Variants in GLP2R observed in about 807,000 individuals in gnomAD.
GLP2R encodes the protein glucagon like peptide 2 receptor.
GLP2R carries 59 observed loss-of-function variants against 68.2 expected under a neutral mutation model. The ratio of observed to expected loss-of-function variants is 0.87; its 90% CI spans 0.70 to 1.07. GLP2R has a LOEUF of 1.07. Among genes scored for constraint, GLP2R ranks in the 50% least tolerant of loss-of-function variants. The pLI is 0.00. For missense variants in GLP2R, 548 were observed against 677.4 expected, an observed-to-expected ratio of 0.81 and a Z score of 2.12; for synonymous variants, 270 against 265.4, an observed-to-expected ratio of 1.02 and a Z score of -0.17.
At chr17:9,879,340 T>TAAAATAAAATAAAATAAAATAAA (rs1567737400) in intron 10 of GLP2R, among the ~76,000 whole-genome samples, 18 of 111,192 alleles carry the variant, frequency 1.6e-4, no homozygotes, top group East Asian at 1.5e-3. Flanking sequence ...TAAAATAAAA[T>TAAAATAAAATAAAATAAAATAAA]AAAATAATTA....
chr17:9,831,467 C>A (rs770982657), intron 1 of GLP2R, among the ~76,000 whole-genome samples: 12 of 152,028 alleles, frequency 7.9e-5, no homozygotes, highest in Non-Finnish European at 1.6e-4. Context: ...CCATAGGGAT[C>A]GGTCATGCAG....
At chr17:9,862,686 G>A (rs1325750503) in intron 9 of GLP2R, among the ~76,000 whole-genome samples, 5 of 152,140 alleles carry the variant, frequency 3.3e-5, no homozygotes, top group Non-Finnish European at 2.9e-5. Flanking sequence ...AACTGTCAAA[G>A]AAGCTAGCAG....
chr17:9,828,570 G>A (rs2066653283), intron 1 of GLP2R, among the ~76,000 whole-genome samples: 1 of 152,196 alleles, frequency 6.6e-6, no homozygotes, highest in African/African-American at 2.4e-5. Flanking sequence ...TCTGAGAAGA[G>A]TGTTATTACT....
Position 9,862,052 on chromosome 17 carries a change from T to G in GLP2R, c.1018T>G (p.Trp340Gly). The change falls in exon 9 of 13, where the codon TGG becomes GGG. Residue 340 changes from tryptophan (W) to glycine (G), a missense_variant. By Grantham distance (184) the Trp-to-Gly change is radical. Transcript: ENST00000262441. ...CWTTNGNKKI[W>G]WIIRGPMMLC... ...GACAACAAATGGGAATAAGAAAATC[T>G]GGTGGATCATCCGAGGACCCATGAT... 6.2e-7 allele frequency: 1 copy of G among 1,613,850 alleles called. No homozygotes were observed. The highest frequency in any genetic ancestry group is 8.5e-7 in the Non-Finnish European group (1 of 1,179,710).
intron 2 of GLP2R, among the ~76,000 whole-genome samples, 179 bp downstream of exon 2, chr17:9,834,073 T>A (rs1218871486): frequency 2.6e-5 from 4 of 152,144 alleles, no homozygotes; most frequent in Non-Finnish European, 5.9e-5. Flanking sequence ...GCTGGAAGAC[T>A]CCCATGGCCT....
Position 9,826,019 on chromosome 17 carries a change from A to G in GLP2R, c.-45A>G, listed in dbSNP as rs1191928698. On this transcript the variant is annotated 5_prime_UTR_variant, in exon 1 of 13. Transcript: ENST00000262441. ...GGAGGCTGCCTGCGGTGCATCTTGG[A>G]CGGCTAGAGAGATGTACCCCTACTT... 1 of 1,522,174 alleles carries G rather than the reference A, an allele frequency of 6.6e-7. No individual in the cohort carries two copies. Among genetic ancestry groups the G allele is most frequent in the Non-Finnish European group, 8.9e-7 (1 of 1,117,400 alleles). 94.3% of individuals were successfully genotyped at this position (1,522,174 alleles called of 1,614,324 possible). A position where few individuals can be genotyped will look rare whatever the true frequency, so the allele number is the denominator to read the frequency against.
intron 10 of GLP2R, among the ~76,000 whole-genome samples, chr17:9,875,137 G>C (rs1307812609): frequency 6.6e-6 from 1 of 152,154 alleles, no homozygotes; most frequent in African/African-American, 2.4e-5. Flanking sequence ...AACTCCCTGC[G>C]CTGGTAAATC....
At chr17:9,840,561 G>A (rs1162614914) in intron 3 of GLP2R, among the ~76,000 whole-genome samples, 6 of 152,218 alleles carry the variant, frequency 3.9e-5, no homozygotes, top group African/African-American at 1.4e-4. Flanking sequence ...TCCTCGTGGG[G>A]CTTACATTCT....
intron 1 of GLP2R, among the ~76,000 whole-genome samples, chr17:9,827,960 C>CA (rs368157136): frequency 0.099 from 7,264 of 73,550 alleles, 903 homozygotes; most frequent in African/African-American, 0.28. Context: ...GGATCTGTCT[C>CA]AAAAAAAAAA....
chr17:9,887,699 G>A (rs1475064051), intron 11 of GLP2R, among the ~76,000 whole-genome samples: 1 of 152,218 alleles, frequency 6.6e-6, no homozygotes, highest in Non-Finnish European at 1.5e-5. Flanking sequence ...CACCTAGGCT[G>A]ATATAGGCGG....
chr17:9,889,948 G>A lies in GLP2R; in HGVS notation c.*243G>A, dbSNP rs1163304596. The A allele has an allele frequency of 3.4e-6, 2 of 585,454 alleles. No homozygotes were observed. The highest frequency in any genetic ancestry group is 2.2e-5 in the Admixed American group (1 of 46,152). The allele number at this position is 585,454 out of a possible 1,614,324, so 36.3% of individuals were successfully genotyped here. A position where few individuals can be genotyped will look rare whatever the true frequency, so the allele number is the denominator to read the frequency against. The stretch of plus-strand genomic sequence containing the variant: ...CCCCCACCAGTGTGTTTTCCACAAT[G>A]CCCACCAGACCCTAGGGCCTGGCTC... On this transcript the variant is annotated 3_prime_UTR_variant, in exon 13 of 13. Coordinates refer to ENST00000262441, the MANE Select transcript of GLP2R (RefSeq NM_004246.3).
intron 4 of GLP2R, among the ~76,000 whole-genome samples, chr17:9,848,169 C>T (rs1166373743): frequency 1.3e-5 from 2 of 152,184 alleles, no homozygotes; most frequent in African/African-American, 4.8e-5. Flanking sequence ...TGGATTAGAT[C>T]CGGTTTATCT....
chr17:9,847,684 C>T (rs1429570042), intron 4 of GLP2R, among the ~76,000 whole-genome samples: 2 of 152,172 alleles, frequency 1.3e-5, no homozygotes. Flanking sequence ...ACTTTTTTCA[C>T]TCTTGCCAAC....
In GLP2R at chr17:9,846,434, G is replaced by A. The variant is rs1455793331; in HGVS notation, c.504+3818G>A. On this transcript the variant is annotated intron_variant, in intron 4 of 12. Transcript: ENST00000262441. Reference sequence around the variant, plus strand: ...AGTTTGAGATCAGCCTGGGCAACACGGCGAAACCCCATCTCTAAAAAATCA... The same window carrying A: ...AGTTTGAGATCAGCCTGGGCAACACAGCGAAACCCCATCTCTAAAAAATCA... Among the ~76,000 whole-genome samples, 5 of 152,078 alleles carry A rather than the reference G, an allele frequency of 3.3e-5. No individual in the cohort carries two copies. The East Asian group carries it at 9.6e-4, about 29-fold the overall frequency.
At chr17:9,837,873 G>T (rs1411407975) in intron 3 of GLP2R, among the ~76,000 whole-genome samples, 2 of 152,184 alleles carry the variant, frequency 1.3e-5, no homozygotes, top group African/African-American at 4.8e-5. Flanking sequence ...TTCTGAGAGG[G>T]TAAGATGATA....
chr17:9,879,718 T>C (rs776963483), intron 10 of GLP2R, among the ~76,000 whole-genome samples: 3 of 152,204 alleles, frequency 2.0e-5, no homozygotes, highest in African/African-American at 7.2e-5. Flanking sequence ...GTAGTCTATA[T>C]ACAACAGTGA....
At chr17:9,839,946 C>A (rs1365783908) in intron 3 of GLP2R, among the ~76,000 whole-genome samples, 1 of 151,640 alleles carries the variant, frequency 6.6e-6, no homozygotes, top group African/African-American at 2.4e-5. Context: ...CCTCTCCCCT[C>A]AACTACAGAC....
At position 9,842,535 on chromosome 17, in the gene GLP2R, G is replaced by A; in HGVS notation, c.423G>A (p.Gly141=). Reference sequence around the variant, plus strand: ...CCTACAGACACTGCTTGGCTCAGGGGACTTGGCAGACGATAGAGAACGCCA... The same window carrying A: ...CCTACAGACACTGCTTGGCTCAGGGAACTTGGCAGACGATAGAGAACGCCA... ...GRAYRHCLAQ[G]TWQTIENATD... The change falls in exon 4 of 13, where the codon GGG becomes GGA. Residue 141 remains glycine, a synonymous_variant. Transcript: ENST00000262441. The A allele has an allele frequency of 6.2e-7, 1 of 1,614,100 alleles. No individual in the cohort carries two copies. The highest frequency in any genetic ancestry group is 8.5e-7 in the Non-Finnish European group (1 of 1,180,002).
At chr17:9,844,583 T>C (rs1341155439) in intron 4 of GLP2R, among the ~76,000 whole-genome samples, 2 of 149,178 alleles carry the variant, frequency 1.3e-5, no homozygotes, top group East Asian at 4.0e-4. Context: ...CTTGGACCCT[T>C]GAGGAGACTT....
Sources: allele counts gnomAD v4.1 joint callset (sites outside exome capture counted in the v4.1 genomes callset), GRCh38; gene constraint gnomAD v4.1.1; transcripts MANE v1.5; gene names NCBI Gene and HGNC (gene_info 2026-07-23, HGNC 2026-07-21).